ACTRT2: variants seen among roughly 807,000 people sequenced by gnomAD.
ACTRT2 encodes the protein actin related protein T2.
ACTRT2 carries 1 observed loss-of-function variant against 1.2 expected under a neutral mutation model. That is an observed-to-expected ratio of 0.80 (90% CI 0.29 to 3.81). ACTRT2 has a LOEUF of 3.81. Among genes scored for constraint, ACTRT2 ranks in the 30% most tolerant of loss-of-function variants. ACTRT2 has a pLI of 0.18. For synonymous variants in ACTRT2, 262 were observed against 228.9 expected, an observed-to-expected ratio of 1.14 and a Z score of -1.30; for missense variants, 488 against 497.9, an observed-to-expected ratio of 0.98 and a Z score of 0.19.
Position 3,022,658 on chromosome 1 carries a change from C to T in ACTRT2, c.972C>T (p.Ser324=). The change falls in exon 1 of 1, where the codon TCC becomes TCT. Residue 324 remains serine, a synonymous_variant. Coordinates refer to ENST00000378404, the MANE Select transcript of ACTRT2 (RefSeq NM_080431.5). The surrounding 1 kb of genome is among the most constrained non-coding windows in gnomAD (Gnocchi z 7.7). ...TCAAGGAGCTGGAGCAGCTGGCCTCCAAGGACACCCCCATCAAGATCACGG... is the reference window on the plus strand; with the variant it reads ...TCAAGGAGCTGGAGCAGCTGGCCTCTAAGGACACCCCCATCAAGATCACGG... ...RLLKELEQLA[S]KDTPIKITAP... is the part of the protein sequence containing the mutation. 5.0e-6 allele frequency: 8 copies of T among 1,613,360 alleles called. No homozygotes were observed. The highest frequency in any genetic ancestry group is 6.8e-6 in the Non-Finnish European group (8 of 1,180,024).
rs558364798 is a variant in ACTRT2, at chr1:3,021,996, G to C, written c.310G>C (p.Asp104His). 6.2e-6 allele frequency: 10 copies of C among 1,613,400 alleles called. No homozygotes were observed. The highest frequency in any genetic ancestry group is 7.6e-6 in the Non-Finnish European group (9 of 1,180,046). Residue 104 changes from aspartate to histidine, a missense_variant, in exon 1 of 1, where the codon GAC (aspartate) becomes CAC (histidine). Coordinates refer to ENST00000378404, the MANE Select transcript of ACTRT2 (RefSeq NM_080431.5). ...FEWELGVKPS[D>H]QPLLATEPSL... Reference sequence around the variant, plus strand: ...GTGGGAGCTAGGCGTGAAACCCAGCGACCAGCCCCTGCTTGCAACGGAGCC... The same window carrying C: ...GTGGGAGCTAGGCGTGAAACCCAGCCACCAGCCCCTGCTTGCAACGGAGCC...
In ACTRT2 at chr1:3,021,838, C is replaced by G. The variant is rs748578742; in HGVS notation, c.152C>G (p.Ala51Gly). 1 of 1,609,668 alleles carries G rather than the reference C, an allele frequency of 6.2e-7. No individual in the cohort carries two copies. The highest frequency in any genetic ancestry group is 8.5e-7 in the Non-Finnish European group (1 of 1,177,942). The change falls in exon 1 of 1, where the codon GCC becomes GGC. Residue 51 changes from alanine to glycine, a missense_variant. Transcript: ENST00000378404. ...HLKFQAPSAE[A>G]NQKKYFVGEE... ...AAATTCCAGGCTCCCTCAGCAGAGGCCAACCAGAAGAAGTACTTTGTGGGG... is the reference window on the plus strand; with the variant it reads ...AAATTCCAGGCTCCCTCAGCAGAGGGCAACCAGAAGAAGTACTTTGTGGGG...
chr1:3,022,556 C>T lies in ACTRT2; in HGVS notation c.870C>T (p.Asp290=). ...GCAGCATCACCAAGTGTGATACCGACATCCAGAAGATCCTCTTTGGGGAGA... is the reference window on the plus strand; with the variant it reads ...GCAGCATCACCAAGTGTGATACCGATATCCAGAAGATCCTCTTTGGGGAGA... ...VSSSITKCDT[D]IQKILFGEIV... Residue 290 remains aspartate, a synonymous_variant, in exon 1 of 1, where the codon GAC becomes GAT. Coordinates refer to ENST00000378404, the MANE Select transcript of ACTRT2 (RefSeq NM_080431.5). The surrounding 1 kb of genome is among the most constrained non-coding windows in gnomAD (Gnocchi z 7.7). The T allele has an allele frequency of 1.2e-6, 2 of 1,613,064 alleles. No homozygotes were observed. Among genetic ancestry groups the T allele is most frequent in the Non-Finnish European group, 1.7e-6 (2 of 1,180,040 alleles).
Position 3,021,619 on chromosome 1 carries a change from T to C in ACTRT2, c.-68T>C. 5 of 1,544,258 alleles carry C rather than the reference T, an allele frequency of 3.2e-6. No homozygotes were observed. Among genetic ancestry groups the C allele is most frequent in the Non-Finnish European group, 4.4e-6 (5 of 1,145,262 alleles). On this transcript the variant is annotated 5_prime_UTR_variant, in exon 1 of 1. Transcript: ENST00000378404. Reference sequence around the variant, plus strand: ...TGGGAAGAGCTGTGGGATCCCCTATTGCATCACAAAGCGGCCCTGGAGGGC... The same window carrying C: ...TGGGAAGAGCTGTGGGATCCCCTATCGCATCACAAAGCGGCCCTGGAGGGC...
At position 3,021,831 on chromosome 1, in the gene ACTRT2, G is replaced by A. The variant is rs35209244; in HGVS notation, c.145G>A (p.Ala49Thr). Reference protein sequence around the residue: ...VGHLKFQAPSAEANQKKYFVG... With the variant: ...VGHLKFQAPSTEANQKKYFVG... Reference sequence around the variant, plus strand: ...GCACCTGAAATTCCAGGCTCCCTCAGCAGAGGCCAACCAGAAGAAGTACTT... The same window carrying A: ...GCACCTGAAATTCCAGGCTCCCTCAACAGAGGCCAACCAGAAGAAGTACTT... The change falls in exon 1 of 1, where the codon GCA becomes ACA. Residue 49 changes from alanine (A) to threonine (T), a missense_variant. Ala to Thr is a moderately conservative substitution (Grantham distance 58, BLOSUM62 0). Coordinates refer to ENST00000378404, the MANE Select transcript of ACTRT2 (RefSeq NM_080431.5). The A allele has an allele frequency of 6.2e-4, 1,002 of 1,611,946 alleles. 6 individuals carry two copies. The African/African-American group carries it at 0.012, about 19-fold the overall frequency.
Position 3,022,281 on chromosome 1 carries a change from G to A in ACTRT2, c.595G>A (p.Ala199Thr). ...GGAGCTCCTCATGCAGCTGCTCCTG[G>A]CCAGCGGCCACACCTTCCCCTGCCA... Reference protein sequence around the residue: ...ITELLMQLLLASGHTFPCQLD... With the variant: ...ITELLMQLLLTSGHTFPCQLD... Residue 199 changes from alanine (A) to threonine (T), a missense_variant, in exon 1 of 1, where the codon GCC (alanine) becomes ACC (threonine). Transcript: ENST00000378404. The surrounding 1 kb of genome is among the most constrained non-coding windows in gnomAD (Gnocchi z 7.7). The A allele has an allele frequency of 6.2e-7, 1 of 1,612,700 alleles. No individual in the cohort carries two copies. The highest frequency in any genetic ancestry group is 8.5e-7 in the Non-Finnish European group (1 of 1,179,864).
chr1:3,022,893 C>A lies in ACTRT2; in HGVS notation c.*73C>A, dbSNP rs1641099202. On this transcript the variant is annotated 3_prime_UTR_variant, in exon 1 of 1. Transcript: ENST00000378404. The surrounding 1 kb of genome is among the most constrained non-coding windows in gnomAD (Gnocchi z 7.7). ...TTTGGGAGGATGTTCAATAAAGGAC[C>A]AATGCCGGAACACCTGGCCACCTCG... 1 of 1,524,494 alleles carries A rather than the reference C, an allele frequency of 6.6e-7. No homozygotes were observed. Among genetic ancestry groups the A allele is most frequent in the East Asian group, 2.3e-5 (1 of 44,092 alleles). 94.4% of individuals were successfully genotyped at this position (1,524,494 alleles called of 1,614,324 possible).
chr1:3,021,965 C>G lies in ACTRT2; in HGVS notation c.279C>G (p.Leu93=), dbSNP rs1641080244. The change falls in exon 1 of 1, where the codon CTC becomes CTG. Residue 93 remains leucine (L), a synonymous_variant. Transcript: ENST00000378404. The part of the protein sequence containing the change: ...WDDVERLWKH[L]FEWELGVKPS... ...ACGTGGAGAGACTCTGGAAGCACCT[C>G]TTTGAGTGGGAGCTAGGCGTGAAAC... 6.2e-7 allele frequency: 1 copy of G among 1,613,520 alleles called. No individual in the cohort carries two copies. The highest frequency in any genetic ancestry group is 8.5e-7 in the Non-Finnish European group (1 of 1,180,042).
At position 3,021,860 on chromosome 1, in the gene ACTRT2, G is replaced by A. The variant is rs114122096; in HGVS notation, c.174G>A (p.Val58=). The change falls in exon 1 of 1, where the codon GTG becomes GTA. Residue 58 remains valine (V), a synonymous_variant. Transcript: ENST00000378404. The part of the protein sequence containing the change: ...SAEANQKKYF[V]GEEALYKQEA... The stretch of plus-strand genomic sequence containing the variant: ...AGGCCAACCAGAAGAAGTACTTTGT[G>A]GGGGAGGAGGCCCTGTACAAGCAGG... The A allele has an allele frequency of 1.9e-5, 30 of 1,613,272 alleles. No homozygotes were observed. The highest frequency in any genetic ancestry group is 2.4e-5 in the Non-Finnish European group (28 of 1,180,010).
chr1:3,021,574 T>G lies in ACTRT2; in HGVS notation c.-113T>G, dbSNP rs907073218. 3.5e-6 allele frequency: 5 copies of G among 1,444,920 alleles called. No individual in the cohort carries two copies. In the African/African-American group the frequency reaches 4.3e-5, roughly 12 times the overall value. The allele number at this position is 1,444,920 out of a possible 1,614,324, so 89.5% of individuals were successfully genotyped here. ...TCCCGGGCACGGTGCTAGCCCTGCC[T>G]TGAGACACCCCGAGAGCTGTGGGAA... On this transcript the variant is annotated 5_prime_UTR_variant, in exon 1 of 1. Coordinates refer to ENST00000378404, the MANE Select transcript of ACTRT2 (RefSeq NM_080431.5).
In ACTRT2 at chr1:3,022,732, C is replaced by A. The variant is rs745375760; in HGVS notation, c.1046C>A (p.Thr349Asn). Residue 349 changes from threonine (T) to asparagine (N), a missense_variant, in exon 1 of 1, where the codon ACC (threonine) becomes AAC (asparagine). Thr to Asn is a moderately conservative substitution (Grantham distance 65, BLOSUM62 0). Coordinates refer to ENST00000378404, the MANE Select transcript of ACTRT2 (RefSeq NM_080431.5). This position sits in a 1 kb window ranked among gnomAD's most constrained non-coding sequence, Gnocchi z 7.7. Reference sequence around the variant, plus strand: ...ACCTGGATTGGAGCCTCCATCGTCACCTCTCTGAGTAGCTTCAAGCAGATG... The same window carrying A: ...ACCTGGATTGGAGCCTCCATCGTCAACTCTCTGAGTAGCTTCAAGCAGATG... ...FSTWIGASIV[T>N]SLSSFKQMWV... 1.2e-6 allele frequency: 2 copies of A among 1,613,582 alleles called. No homozygotes were observed. Among genetic ancestry groups the A allele is most frequent in the Non-Finnish European group, 1.7e-6 (2 of 1,180,018 alleles).
chr1:3,021,915 C>T lies in ACTRT2; in HGVS notation c.229C>T (p.Arg77Cys), dbSNP rs776228150. The change falls in exon 1 of 1, where the codon CGT (arginine) becomes TGT (cysteine). Residue 77 changes from arginine (R) to cysteine (C), a missense_variant. Physicochemically the swap from Arg to Cys is radical, Grantham distance 180. Transcript: ENST00000378404. ...CCTGCAGCTGCACTCCCCTTTCGAG[C>T]GTGGCCTGATCACAGGGTGGGATGA... ...EALQLHSPFE[R>C]GLITGWDDVE... 5.6e-6 allele frequency: 9 copies of T among 1,613,366 alleles called. No individual in the cohort carries two copies. The highest frequency in any genetic ancestry group is 1.7e-5 in the Admixed American group (1 of 60,004).
chr1:3,022,102 C>A lies in ACTRT2; in HGVS notation c.416C>A (p.Ser139Ter), dbSNP rs548864585. Residue 139 changes from serine to a stop codon, truncating the protein, a stop_gained, in exon 1 of 1, where the codon TCG becomes TAG. Coordinates refer to ENST00000378404, the MANE Select transcript of ACTRT2 (RefSeq NM_080431.5). LOFTEE classifies it low-confidence loss of function (END_TRUNC). This position sits in a 1 kb window ranked among gnomAD's most constrained non-coding sequence, Gnocchi z 7.7. ...ENFGVPAFYL[S>*]DQAVLALYAS... Reference sequence around the variant, plus strand: ...TTCGGCGTGCCCGCTTTCTACCTGTCGGACCAGGCGGTGCTGGCTCTCTAC... The same window carrying A: ...TTCGGCGTGCCCGCTTTCTACCTGTAGGACCAGGCGGTGCTGGCTCTCTAC... 6.2e-6 allele frequency: 10 copies of A among 1,613,240 alleles called. No individual in the cohort carries two copies. Among genetic ancestry groups the A allele is most frequent in the Non-Finnish European group, 6.8e-6 (8 of 1,180,040 alleles).
At position 3,022,024 on chromosome 1, in the gene ACTRT2, C is replaced by G. The variant is rs1346507970; in HGVS notation, c.338C>G (p.Ser113Cys). 1.8e-5 allele frequency: 29 copies of G among 1,613,598 alleles called. No individual in the cohort carries two copies. The highest frequency in any genetic ancestry group is 2.5e-5 in the Non-Finnish European group (29 of 1,180,046). The change falls in exon 1 of 1, where the codon TCC (serine) becomes TGC (cysteine). Residue 113 changes from serine (S) to cysteine (C), a missense_variant. Ser to Cys is a moderately radical substitution (Grantham distance 112). Transcript: ENST00000378404. This position sits in a 1 kb window ranked among gnomAD's most constrained non-coding sequence, Gnocchi z 7.7. Reference sequence around the variant, plus strand: ...CAGCCCCTGCTTGCAACGGAGCCCTCCCTGAACCCCAGGGAGAACCGTGAG... The same window carrying G: ...CAGCCCCTGCTTGCAACGGAGCCCTGCCTGAACCCCAGGGAGAACCGTGAG... ...SDQPLLATEP[S>C]LNPRENREKM...
Position 3,022,540 on chromosome 1 carries a change from C to G in ACTRT2, c.854C>G (p.Thr285Ser). ...GLSNMVSSSI[T>S]KCDTDIQKIL... is the part of the protein sequence containing the mutation. ...TCGAATATGGTCTCCAGCAGCATCA[C>G]CAAGTGTGATACCGACATCCAGAAG... is the stretch of plus-strand genomic sequence containing the variant. Residue 285 changes from threonine to serine, a missense_variant, in exon 1 of 1, where the codon ACC (threonine) becomes AGC (serine). Transcript: ENST00000378404. The surrounding 1 kb of genome is among the most constrained non-coding windows in gnomAD (Gnocchi z 7.7). The G allele has an allele frequency of 6.2e-7, 1 of 1,612,996 alleles. No homozygotes were observed. Among genetic ancestry groups the G allele is most frequent in the South Asian group, 1.1e-5 (1 of 91,078 alleles).
rs1641093662 is a variant in ACTRT2, at chr1:3,022,609, T to C, written c.923T>C (p.Phe308Ser). The change falls in exon 1 of 1, where the codon TTC becomes TCC. Residue 308 changes from phenylalanine to serine, a missense_variant. Coordinates refer to ENST00000378404, the MANE Select transcript of ACTRT2 (RefSeq NM_080431.5). This position sits in a 1 kb window ranked among gnomAD's most constrained non-coding sequence, Gnocchi z 7.7. ...EIVLSGGTTL[F>S]HGLDDRLLKE... ...GTGCTGTCGGGGGGCACTACCCTGT[T>C]CCACGGGCTGGATGACCGGCTTCTC... The C allele has an allele frequency of 5.0e-6, 8 of 1,613,104 alleles. No individual in the cohort carries two copies. Among genetic ancestry groups the C allele is most frequent in the Non-Finnish European group, 4.2e-6 (5 of 1,180,012 alleles).
rs746491625 is a variant in ACTRT2 at position 3,022,844 on chromosome 1, TG to T, written c.*30del. On this transcript the variant is annotated 3_prime_UTR_variant, in exon 1 of 1. Coordinates refer to ENST00000378404, the MANE Select transcript of ACTRT2 (RefSeq NM_080431.5). The surrounding 1 kb of genome is among the most constrained non-coding windows in gnomAD (Gnocchi z 7.7). ...GAAGGCCGCTTCTCGTTGGGTACCG[TG>T]GGGGGTGAACCCTAGCCCCAGCTTT... is the stretch of plus-strand genomic sequence containing the variant. The T allele has an allele frequency of 1.3e-6, 2 of 1,588,386 alleles. No homozygotes were observed. The highest frequency in any genetic ancestry group is 8.6e-7 in the Non-Finnish European group (1 of 1,164,518).
rs145921682 is a variant in ACTRT2, at chr1:3,021,793, G to T, written c.107G>T (p.Ser36Ile). The T allele has an allele frequency of 4.3e-6, 7 of 1,613,600 alleles. No homozygotes were observed. The African/African-American group carries it at 8.0e-5, about 18-fold the overall frequency. ...GAGTTTGGACCCCGGCACATGGTCAGCTCCATCGTGGGGCACCTGAAATTC... is the reference window on the plus strand; with the variant it reads ...GAGTTTGGACCCCGGCACATGGTCATCTCCATCGTGGGGCACCTGAAATTC... Reference protein sequence around the residue: ...SGEFGPRHMVSSIVGHLKFQA... With the variant: ...SGEFGPRHMVISIVGHLKFQA... The change falls in exon 1 of 1, where the codon AGC becomes ATC. Residue 36 changes from serine (S) to isoleucine (I), a missense_variant. Coordinates refer to ENST00000378404, the MANE Select transcript of ACTRT2 (RefSeq NM_080431.5).
At position 3,022,536 on chromosome 1, in the gene ACTRT2, A is replaced by G; in HGVS notation, c.850A>G (p.Ile284Val). Residue 284 changes from isoleucine (I) to valine (V), a missense_variant, in exon 1 of 1, where the codon ATC becomes GTC. Physicochemically the swap from Ile to Val is conservative, Grantham distance 29. Transcript: ENST00000378404. The surrounding 1 kb of genome is among the most constrained non-coding windows in gnomAD (Gnocchi z 7.7). ...PGLSNMVSSS[I>V]TKCDTDIQKI... ...GCTCTCGAATATGGTCTCCAGCAGC[A>G]TCACCAAGTGTGATACCGACATCCA... 6.2e-7 allele frequency: 1 copy of G among 1,613,016 alleles called. No homozygotes were observed. The highest frequency in any genetic ancestry group is 8.5e-7 in the Non-Finnish European group (1 of 1,180,034).
Sources: allele counts gnomAD v4.1 joint callset, GRCh38; gene constraint gnomAD v4.1.1; non-coding constraint Gnocchi (gnomAD v3.1); transcripts MANE v1.5; gene names NCBI Gene and HGNC (gene_info 2026-07-23, HGNC 2026-07-21).